NALCN: variants seen among roughly 807,000 people sequenced by gnomAD.
NALCN encodes sodium leak channel NALCN.
Under a neutral mutation model 225.3 loss-of-function variants are expected in NALCN, and 111 were observed. The observed-to-expected ratio is 0.49, with a 90% CI of 0.42 to 0.58. NALCN has a LOEUF of 0.58. Ranked by LOEUF, NALCN falls within the 20% of genes least tolerant of loss-of-function variation. NALCN has a pLI of 0.00. For missense variants in NALCN, 1,378 were observed against 2,202.4 expected (o/e 0.63, Z 7.49); for synonymous variants, 764 against 769.0 (o/e 0.99, Z 0.11).
Position 101,275,936 on chromosome 13 carries a change from C to T in NALCN, c.1134+7997G>A, listed in dbSNP as rs373954557. 4.2e-3 allele frequency among the ~76,000 whole-genome samples: 641 copies of T among 151,682 alleles called. 5 individuals carry two copies. Among genetic ancestry groups the T allele is most frequent in the African/African-American group, 0.015 (622 of 41,358 alleles). On this transcript the variant is annotated intron_variant, in intron 10 of 43. Coordinates refer to ENST00000251127, the MANE Select transcript of NALCN (RefSeq NM_052867.4). The stretch of plus-strand genomic sequence containing the variant: ...AAAATTAGCTGGGCATGGTGGCGGG[C>T]GCCTGTAGTCTCAGCTACTCAGGAG...
chr13:101,288,504 C>A (rs1430472550), intron 9 of NALCN, among the ~76,000 whole-genome samples: 1 of 152,076 alleles, frequency 6.6e-6, no homozygotes, highest in Non-Finnish European at 1.5e-5. Context: ...ATTGTATAAC[C>A]CATATTCTAA....
intron 7 of NALCN, among the ~76,000 whole-genome samples, chr13:101,312,159 T>C (rs2044370558): frequency 6.6e-6 from 1 of 152,384 alleles, no homozygotes; most frequent in East Asian, 1.9e-4. Context: ...GAGGTGTTTG[T>C]AATATTCTCT....
At chr13:101,379,375 C>T (rs527321155) in intron 3 of NALCN, among the ~76,000 whole-genome samples, 2 of 152,062 alleles carry the variant, frequency 1.3e-5, no homozygotes, top group Non-Finnish European at 2.9e-5. Flanking sequence ...GATATATACC[C>T]AAAGGATTAC....
At chr13:101,152,652 ATAT>A (rs758862824) in intron 15 of NALCN, among the ~76,000 whole-genome samples, 6 of 152,204 alleles carry the variant, frequency 3.9e-5, no homozygotes, top group Non-Finnish European at 7.3e-5. Flanking sequence ...CATTTTGCTC[ATAT>A]TATTGTCCTT....
intron 7 of NALCN, among the ~76,000 whole-genome samples, chr13:101,313,744 T>G (rs1216711098): frequency 6.6e-6 from 1 of 152,170 alleles, no homozygotes; most frequent in Non-Finnish European, 1.5e-5. Flanking sequence ...CTTGTGGAAG[T>G]TGGTGTGGCG....
At chr13:101,197,684 A>G (rs1240297813) in intron 13 of NALCN, among the ~76,000 whole-genome samples, 1 of 152,154 alleles carries the variant, frequency 6.6e-6, no homozygotes, top group African/African-American at 2.4e-5. Flanking sequence ...CCAGTTTGCT[A>G]TGAGGTGATC....
chr13:101,085,275 TTTTAA>T (rs2139526210), intron 30 of NALCN, among the ~76,000 whole-genome samples: 1 of 152,136 alleles, frequency 6.6e-6, no homozygotes, highest in East Asian at 1.9e-4. Context: ...ATTCAGAACA[TTTTAA>T]TTTAAATATA....
At position 101,107,567 on chromosome 13, in the gene NALCN, G is replaced by A. The variant is rs199731831; in HGVS notation, c.2499C>T (p.Phe833=). The change falls in exon 22 of 44, where the codon TTC becomes TTT. Residue 833 remains phenylalanine, a synonymous_variant. Coordinates refer to ENST00000251127, the MANE Select transcript of NALCN (RefSeq NM_052867.4). The part of the protein sequence containing the change: ...EEELRENHPY[F]DKPLFIVGRE... ...GCCCGACAATGAACAGTGGCTTATC[G>A]AAGTATGGGTGGTTCTCTCTGAGTT... is the stretch of plus-strand genomic sequence containing the variant. 1,073 of 1,614,144 alleles carry A rather than the reference G, an allele frequency of 6.6e-4. 5 individuals are homozygous for A. The highest frequency in any genetic ancestry group is 9.5e-5 in the Non-Finnish European group (112 of 1,179,990).
rs562424998 is a variant in NALCN at position 101,304,525 on chromosome 13, C to T, written c.800-12159G>A. 5.3e-5 allele frequency among the ~76,000 whole-genome samples: 8 copies of T among 151,804 alleles called. No individual in the cohort carries two copies. The South Asian group carries it at 8.4e-4, about 16-fold the overall frequency. On this transcript the variant is annotated intron_variant, in intron 7 of 43. Transcript: ENST00000251127. ...AGGATGGAATGCAGTGGTGCCATCTCGGCTCACTTCAATCTCCGCCTGGGA... is the reference window on the plus strand; with the variant it reads ...AGGATGGAATGCAGTGGTGCCATCTTGGCTCACTTCAATCTCCGCCTGGGA...
chr13:101,173,630 G>C (rs2088084138), intron 15 of NALCN, among the ~76,000 whole-genome samples: 1 of 152,018 alleles, frequency 6.6e-6, no homozygotes, highest in South Asian at 2.1e-4. Flanking sequence ...AAGCAGATGT[G>C]GTAAAAGAAG....
intron 37 of NALCN, among the ~76,000 whole-genome samples, chr13:101,072,981 G>A (rs1270449913): frequency 1.3e-5 from 2 of 152,062 alleles, no homozygotes; most frequent in Non-Finnish European, 2.9e-5. Context: ...ATAAATGAAT[G>A]TAAGCCAGTA....
chr13:101,414,115 G>T (rs1379460315), intron 1 of NALCN, among the ~76,000 whole-genome samples: 1 of 151,798 alleles, frequency 6.6e-6, no homozygotes, highest in Non-Finnish European at 1.5e-5. Flanking sequence ...GGACTCTTGG[G>T]TTCAAGCAAT....
chr13:101,300,155 C>G (rs1220068351), intron 7 of NALCN, among the ~76,000 whole-genome samples: 1 of 151,990 alleles, frequency 6.6e-6, no homozygotes, highest in Admixed American at 6.6e-5. Context: ...AGACCAGCAA[C>G]AGCAAGAAAG....
intron 22 of NALCN, among the ~76,000 whole-genome samples, chr13:101,105,426 T>C (rs2035044557): frequency 6.6e-6 from 1 of 152,184 alleles, no homozygotes; most frequent in Admixed American, 6.6e-5. Flanking sequence ...GGGAGAGTCG[T>C]TGTTTCTACT....
intron 15 of NALCN, among the ~76,000 whole-genome samples, chr13:101,152,280 C>A (rs2037689207): frequency 2.0e-5 from 3 of 152,124 alleles, no homozygotes; most frequent in African/African-American, 7.2e-5. Flanking sequence ...ACTCATTCGT[C>A]CAAGCAGCAT....
intron 35 of NALCN, 130 bp downstream of exon 35, chr13:101,075,743 T>A (rs1329544859): frequency 3.4e-6 from 2 of 595,112 alleles, no homozygotes; most frequent in Non-Finnish European, 5.5e-6. Context: ...TTGTTAATCT[T>A]GACTTATGAT....
intron 13 of NALCN, among the ~76,000 whole-genome samples, chr13:101,213,525 A>G (rs1474896718): frequency 1.3e-5 from 2 of 152,218 alleles, no homozygotes; most frequent in Non-Finnish European, 2.9e-5. Flanking sequence ...ACAGAATGAG[A>G]GAAAATTTTT....
chr13:101,391,449 G>A (rs147993998), intron 3 of NALCN, among the ~76,000 whole-genome samples: 4,877 of 144,308 alleles, frequency 0.034, 117 homozygotes, highest in East Asian at 0.12. Context: ...TTGGGAGGCC[G>A]AGGTGGGAGG....
chr13:101,166,175 TTC>T (rs1269215635), intron 15 of NALCN, among the ~76,000 whole-genome samples: 2 of 152,248 alleles, frequency 1.3e-5, no homozygotes, highest in Admixed American at 1.3e-4. Flanking sequence ...TGCTTCCACC[TTC>T]TGTTATTGTG....
Sources: gnomAD v4.1 joint callset for allele counts (sites outside exome capture counted in the v4.1 genomes callset) on GRCh38, gnomAD v4.1.1 for gene constraint, MANE v1.5 for transcripts, NCBI Gene and HGNC (gene_info 2026-07-23, HGNC 2026-07-21) for gene names.